The following PEX5L variants were observed in gnomAD, a reference collection of about 807,000 sequenced individuals.
The protein encoded by PEX5L is peroxisomal biogenesis factor 5 like.
Under a neutral mutation model 84.0 loss-of-function variants are expected in PEX5L, and 30 were observed. The ratio of observed to expected loss-of-function variants is 0.36; its 90% CI spans 0.27 to 0.48. PEX5L has a LOEUF of 0.48. Ranked by LOEUF, PEX5L falls within the 20% of genes least tolerant of loss-of-function variation. The pLI, the probability that PEX5L is intolerant of heterozygous loss-of-function variation, is 0.99. For missense variants in PEX5L, 533 were observed against 754.6 expected (o/e 0.71, Z 3.44); for synonymous variants, 270 against 283.1 (o/e 0.95, Z 0.46).
chr3:179,846,291 A>G lies in PEX5L; in HGVS notation c.822+12771T>C, dbSNP rs1168792482. 2.0e-5 allele frequency among the ~76,000 whole-genome samples: 3 copies of G among 152,366 alleles called. No individual in the cohort carries two copies. In the South Asian group the frequency reaches 6.2e-4, roughly 32 times the overall value. Reference sequence around the variant, plus strand: ...GCATACAATGTGTAACAATCAAATCAGGGTAATTAGGCTATCCTACACCTC... The same window carrying G: ...GCATACAATGTGTAACAATCAAATCGGGGTAATTAGGCTATCCTACACCTC... On this transcript the variant is annotated intron_variant, in intron 8 of 14. Coordinates refer to ENST00000467460, the MANE Select transcript of PEX5L (RefSeq NM_016559.3).
intron 1 of PEX5L, among the ~76,000 whole-genome samples, chr3:179,984,515 A>G (rs1034784015): frequency 3.9e-5 from 6 of 152,168 alleles, no homozygotes; most frequent in African/African-American, 1.2e-4. Context: ...CACATAAACA[A>G]AAGATCTTTG....
chr3:179,963,454 T>G (rs1358980468), intron 2 of PEX5L, among the ~76,000 whole-genome samples: 2 of 152,148 alleles, frequency 1.3e-5, no homozygotes, highest in African/African-American at 4.8e-5. Flanking sequence ...GTCCATTAAT[T>G]TAATCAGATC....
chr3:179,998,314 C>T (rs558232802), intron 1 of PEX5L, among the ~76,000 whole-genome samples: 29 of 152,144 alleles, frequency 1.9e-4, no homozygotes, highest in Non-Finnish European at 3.1e-4. Flanking sequence ...TTAAGTAACC[C>T]GAAAGTCTGC....
chr3:179,985,199 A>G (rs1313149294), intron 1 of PEX5L, among the ~76,000 whole-genome samples: 1 of 152,208 alleles, frequency 6.6e-6, no homozygotes, highest in Non-Finnish European at 1.5e-5. Flanking sequence ...CAAGGCCTCT[A>G]GAACAGTGCC....
At chr3:179,871,100 C>CTTCTTT (rs1560470729) in intron 7 of PEX5L, among the ~76,000 whole-genome samples, 3 of 95,038 alleles carry the variant, frequency 3.2e-5, no homozygotes, top group Non-Finnish European at 2.1e-5. Context: ...TTGAGTTATA[C>CTTCTTT]TTTTTTTTTT....
chr3:179,978,219 T>G (rs560518572), intron 1 of PEX5L, among the ~76,000 whole-genome samples: 18 of 152,310 alleles, frequency 1.2e-4, no homozygotes, highest in Middle Eastern at 3.4e-3. Flanking sequence ...TTTCTACCTT[T>G]AGGGTGGCTT....
At chr3:179,884,269 G>T (rs1265050103) in intron 4 of PEX5L, among the ~76,000 whole-genome samples, 1 of 152,172 alleles carries the variant, frequency 6.6e-6, no homozygotes, top group African/African-American at 2.4e-5. Context: ...TTAAGGATTT[G>T]GAGACTGAAA....
At chr3:179,943,770 A>G (rs944259898) in intron 2 of PEX5L, among the ~76,000 whole-genome samples, 16 of 152,216 alleles carry the variant, frequency 1.1e-4, no homozygotes, top group African/African-American at 3.9e-4. Context: ...AGTCAGACAA[A>G]GGTCTCTTGA....
chr3:180,020,611 C>T (rs1790344924), intron 1 of PEX5L, among the ~76,000 whole-genome samples: 1 of 152,086 alleles, frequency 6.6e-6, no homozygotes, highest in East Asian at 1.9e-4. Context: ...AAGTCATATA[C>T]AAGTTAGAGC....
At chr3:179,919,323 A>T (rs4146790) in intron 2 of PEX5L, among the ~76,000 whole-genome samples, 137,958 of 152,256 alleles carry the variant, frequency 0.91, 62,550 homozygotes, top group South Asian at 0.97. Context: ...CACAGCAAGC[A>T]GCCTCTCTCT....
In PEX5L at chr3:179,871,099, A is replaced by ACTT. The variant is rs1412156113; in HGVS notation, c.726+3225_726+3227dup. On this transcript the variant is annotated intron_variant, in intron 7 of 14. Coordinates refer to ENST00000467460, the MANE Select transcript of PEX5L (RefSeq NM_016559.3). ...TTTTCCTGTGAACCATTTGAGTTATACTTTTTTTTTTTTTTTTTTTTTTGG... is the reference window on the plus strand; with the variant it reads ...TTTTCCTGTGAACCATTTGAGTTATACTTCTTTTTTTTTTTTTTTTTTTTTTGG... Among the ~76,000 whole-genome samples the ACTT allele has an allele frequency of 1.1e-4, 12 of 105,568 alleles. 1 individual carries two copies. Among genetic ancestry groups the ACTT allele is most frequent in the Non-Finnish European group, 1.1e-4 (6 of 53,362 alleles). 69.3% of individuals were successfully genotyped at this position (105,568 alleles called of 152,430 possible). A position where few individuals can be genotyped will look rare whatever the true frequency, so the allele number is the denominator to read the frequency against.
At chr3:179,866,674 C>T (rs980679796) in intron 7 of PEX5L, among the ~76,000 whole-genome samples, 2 of 152,188 alleles carry the variant, frequency 1.3e-5, no homozygotes, top group African/African-American at 4.8e-5. Flanking sequence ...TAAACACTTT[C>T]CTCATTGAAA....
At chr3:179,950,427 G>A (rs1578859089) in intron 2 of PEX5L, among the ~76,000 whole-genome samples, 2 of 152,070 alleles carry the variant, frequency 1.3e-5, no homozygotes, top group Non-Finnish European at 1.5e-5. Context: ...ACGAGTTAAC[G>A]GGTGCAGCAC....
chr3:180,026,139 T>C, intron 1 of PEX5L, among the ~76,000 whole-genome samples: 1 of 150,548 alleles, frequency 6.6e-6, no homozygotes, highest in East Asian at 1.9e-4. Flanking sequence ...CATTCTTTTT[T>C]TTTTTTTTTT....
chr3:179,811,795 C>T lies in PEX5L; in HGVS notation c.1154+6G>A, dbSNP rs199608106. ...GGCCCATGATTTTGCACTTAGCTTC[C>T]TTTACCTCTGGAGGGCGACAATAGC... On this transcript the variant is annotated splice_donor_region_variant and intron_variant, in intron 11 of 14. Coordinates refer to ENST00000467460, the MANE Select transcript of PEX5L (RefSeq NM_016559.3). The T allele has an allele frequency of 2.5e-5, 40 of 1,611,484 alleles. No homozygotes were observed. The highest frequency in any genetic ancestry group is 3.2e-5 in the Non-Finnish European group (38 of 1,177,556).
intron 1 of PEX5L, among the ~76,000 whole-genome samples, chr3:180,027,096 T>TAA (rs1791027917): frequency 6.7e-6 from 1 of 148,314 alleles, no homozygotes; most frequent in Non-Finnish European, 1.5e-5. Context: ...ATTGAAGCTG[T>TAA]AACATGGGGT....
chr3:179,946,661 T>A (rs771194755), intron 2 of PEX5L, among the ~76,000 whole-genome samples: 12 of 152,212 alleles, frequency 7.9e-5, no homozygotes, highest in Non-Finnish European at 4.4e-5. Flanking sequence ...GAGGTACTGA[T>A]TAAATCAGAA....
At chr3:179,960,760 A>T (rs1781800609) in intron 2 of PEX5L, among the ~76,000 whole-genome samples, 1 of 152,186 alleles carries the variant, frequency 6.6e-6, no homozygotes, top group African/African-American at 2.4e-5. Flanking sequence ...GTAGTAAATG[A>T]TTTGATTAAT....
chr3:179,994,731 G>A (rs1334488016), intron 1 of PEX5L, among the ~76,000 whole-genome samples: 3 of 152,122 alleles, frequency 2.0e-5, no homozygotes, highest in Non-Finnish European at 4.4e-5. Flanking sequence ...GCTGGGAAAG[G>A]CAGACCCACT....
Sources: gnomAD v4.1 joint callset for allele counts (sites outside exome capture counted in the v4.1 genomes callset) on GRCh38, gnomAD v4.1.1 for gene constraint, MANE v1.5 for transcripts, NCBI Gene and HGNC (gene_info 2026-07-23, HGNC 2026-07-21) for gene names.